Variants in COX4I1 observed in about 807,000 individuals in gnomAD.
COX4I1 encodes the protein cytochrome c oxidase subunit 4I1.
Under a neutral mutation model 21.7 loss-of-function variants are expected in COX4I1, and 18 were observed. The observed-to-expected ratio is 0.83, with a 90% CI of 0.57 to 1.23. The LOEUF is 1.23. Among genes scored for constraint, COX4I1 ranks in the 50% most tolerant of loss-of-function variants. The pLI is 0.00. For missense variants in COX4I1, 238 were observed against 220.7 expected, an observed-to-expected ratio of 1.08 and a Z score of -0.50; for synonymous variants, 100 against 81.5, an observed-to-expected ratio of 1.23 and a Z score of -1.23.
At chr16:85,803,362 C>T (rs899645742) in intron 2 of COX4I1, 2 of 152,208 alleles carry the variant, frequency 1.3e-5, no homozygotes, top group African/African-American at 4.8e-5. Context: ...CTAGAGAAGT[C>T]TATATACGAC....
At chr16:85,802,381 C>T (rs1356822211) in intron 2 of COX4I1, among the ~76,000 whole-genome samples, 1 of 152,224 alleles carries the variant, frequency 6.6e-6, no homozygotes, top group Non-Finnish European at 1.5e-5. Flanking sequence ...CTGTCTCAGC[C>T]TCTTAGAGTG....
At chr16:85,802,727 G>A (rs1244531474) in intron 2 of COX4I1, among the ~76,000 whole-genome samples, 1 of 152,190 alleles carries the variant, frequency 6.6e-6, no homozygotes, top group African/African-American at 2.4e-5. Context: ...ACAATCTGGA[G>A]TCTTTGTTTT....
In COX4I1 at chr16:85,801,201, T is replaced by G. The variant is rs759981105; in HGVS notation, c.-1-4T>G. 5.6e-6 allele frequency: 9 copies of G among 1,603,866 alleles called. No individual in the cohort carries two copies. Among genetic ancestry groups the G allele is most frequent in the Middle Eastern group, 1.7e-4 (1 of 6,058 alleles). The stretch of plus-strand genomic sequence containing the variant: ...TAGAGAAGGTGTACATTTTTATCTT[T>G]CAGAATGTTGGCTACCAGGGTATTT... On this transcript the variant is annotated splice_polypyrimidine_tract_variant and splice_region_variant and intron_variant, in intron 1 of 4. Transcript: ENST00000253452.
At chr16:85,806,509 C>G (rs756938471) in intron 4 of COX4I1, 5 of 716,366 alleles carry the variant, frequency 7.0e-6, no homozygotes, top group Non-Finnish European at 1.0e-5. Flanking sequence ...TTAGAGAGGA[C>G]CTTCTGCTTT....
chr16:85,804,996 C>A lies in COX4I1; in HGVS notation c.133C>A (p.Pro45Thr), dbSNP rs759508701. The change falls in exon 3 of 5, where the codon CCC (proline) becomes ACC (threonine). Residue 45 changes from proline (P) to threonine (T), a missense_variant. Pro to Thr is a conservative substitution (Grantham distance 38). Transcript: ENST00000253452. ...AGCTTATATGGATCGGCGTGACCAC[C>A]CCTTGCCGGAGGTGGCCCATGTCAA... is the stretch of plus-strand genomic sequence containing the variant. ...LPAYMDRRDH[P>T]LPEVAHVKHL... 8 of 1,614,140 alleles carry A rather than the reference C, an allele frequency of 5.0e-6. No individual in the cohort carries two copies. Among genetic ancestry groups the A allele is most frequent in the Non-Finnish European group, 6.8e-6 (8 of 1,180,010 alleles).
At position 85,801,242 on chromosome 16, in the gene COX4I1, C is replaced by A. The variant is rs1425649178; in HGVS notation, c.37C>A (p.Arg13=). ...CAGGGTATTTAGCCTAGTTGGCAAG[C>A]GAGCAATTTCCACCTCTGTGTGTGT... is the stretch of plus-strand genomic sequence containing the variant. ...ATRVFSLVGK[R]AISTSVCVRA... is the part of the protein sequence containing the mutation. The change falls in exon 2 of 5, where the codon CGA becomes AGA. Residue 13 remains arginine (R), a synonymous_variant. Transcript: ENST00000253452. 6.2e-7 allele frequency: 1 copy of A among 1,609,956 alleles called. No homozygotes were observed. The highest frequency in any genetic ancestry group is 1.1e-5 in the South Asian group (1 of 90,912).
chr16:85,804,813 C>T lies in COX4I1; in HGVS notation c.74-124C>T. 1.4e-5 allele frequency: 11 copies of T among 775,976 alleles called. No homozygotes were observed. The South Asian group carries it at 1.9e-4, about 13-fold the overall frequency. 48.1% of individuals were successfully genotyped at this position (775,976 alleles called of 1,614,324 possible). ...GCAACTGTTTAAACAGTGGCTGTGA[C>T]CCCCTGAGATGATCCAGGGTTTCAA... is the stretch of plus-strand genomic sequence containing the variant. On this transcript the variant is annotated intron_variant, in intron 2 of 4. Transcript: ENST00000253452.
chr16:85,805,672 GT>G, intron 3 of COX4I1, 60 bp from the exon 4 acceptor site: 1 of 1,601,842 alleles, frequency 6.2e-7, no homozygotes, highest in Non-Finnish European at 8.5e-7. Flanking sequence ...GTGGTTGAAT[GT>G]TGCAGAGGAG....
chr16:85,803,223 G>T (rs1480921827), intron 2 of COX4I1: 1 of 152,160 alleles, frequency 6.6e-6, no homozygotes, highest in Non-Finnish European at 1.5e-5. Context: ...TAGAATTAGG[G>T]TTTTAAAATT....
Position 85,801,223 on chromosome 16 carries a change from A to G in COX4I1, c.18A>G (p.Val6=), listed in dbSNP as rs757478293. ...CTTTCAGAATGTTGGCTACCAGGGT[A>G]TTTAGCCTAGTTGGCAAGCGAGCAA... MLATR[V]FSLVGKRAIS... Residue 6 remains valine (V), a synonymous_variant, in exon 2 of 5, where the codon GTA becomes GTG. Coordinates refer to ENST00000253452, the MANE Select transcript of COX4I1 (RefSeq NM_001861.6). 1 of 1,609,778 alleles carries G rather than the reference A, an allele frequency of 6.2e-7. No individual in the cohort carries two copies. Among genetic ancestry groups the G allele is most frequent in the Admixed American group, 1.7e-5 (1 of 59,964 alleles).
chr16:85,804,778 C>A, intron 2 of COX4I1, 159 bp from the exon 3 acceptor site: 1 of 627,382 alleles, frequency 1.6e-6, no homozygotes. Context: ...TCCCCCTCCA[C>A]CACACTCCTG....
intron 3 of COX4I1, chr16:85,805,323 TGTG>T: frequency 1.8e-6 from 1 of 559,628 alleles, no homozygotes; most frequent in Non-Finnish European, 3.1e-6. Flanking sequence ...CCCCCTTCTC[TGTG>T]CTGAGTGGAG....
intron 4 of COX4I1, 111 bp downstream of exon 4, chr16:85,805,975 G>A: frequency 1.4e-6 from 2 of 1,424,562 alleles, no homozygotes; most frequent in South Asian, 1.3e-5. Flanking sequence ...GATAGGGACT[G>A]CATTCCAGAG....
At chr16:85,804,270 C>T (rs1207684773) in intron 2 of COX4I1, 2 of 152,276 alleles carry the variant, frequency 1.3e-5, no homozygotes, top group Non-Finnish European at 2.9e-5. Context: ...GTTTGAGTCC[C>T]TTGCAGATAG....
chr16:85,802,098 C>T (rs776121672), intron 2 of COX4I1, among the ~76,000 whole-genome samples: 4 of 152,182 alleles, frequency 2.6e-5, no homozygotes, highest in Non-Finnish European at 4.4e-5. Flanking sequence ...GATCTTATTA[C>T]TGACTGTTGT....
chr16:85,802,986 C>T (rs1905889991), intron 2 of COX4I1: 4 of 152,194 alleles, frequency 2.6e-5, no homozygotes, highest in African/African-American at 9.7e-5. Flanking sequence ...ATATAACAGT[C>T]ACCCATTTAA....
chr16:85,806,537 A>G (rs1277337482), intron 4 of COX4I1: 10 of 775,446 alleles, frequency 1.3e-5, no homozygotes, highest in Non-Finnish European at 2.0e-5. Flanking sequence ...TTTTGTTGCT[A>G]ACTTTTTACA....
chr16:85,800,134 C>G (rs769908997), intron 1 of COX4I1, among the ~76,000 whole-genome samples: 1 of 152,136 alleles, frequency 6.6e-6, no homozygotes. Context: ...TTGCGGGGCT[C>G]CCGGGCGGCG....
chr16:85,804,757 A>G (rs530680772), intron 2 of COX4I1, 180 bp from the exon 3 acceptor site: 180 of 560,658 alleles, frequency 3.2e-4, no homozygotes, highest in African/African-American at 3.2e-3. Flanking sequence ...TGTGATGAGA[A>G]GTGCTTCTGT....
Sources: gnomAD v4.1 joint callset for allele counts (sites outside exome capture counted in the v4.1 genomes callset) on GRCh38, gnomAD v4.1.1 for gene constraint, MANE v1.5 for transcripts, NCBI Gene and HGNC (gene_info 2026-07-23, HGNC 2026-07-21) for gene names.